ARID1B: variants seen among roughly 807,000 people sequenced by gnomAD.
ARID1B encodes AT-rich interaction domain 1B, also known as AT-rich interactive domain-containing protein 1B.
Under a neutral mutation model 212.3 loss-of-function variants are expected in ARID1B, and 30 were observed. That is an observed-to-expected ratio of 0.14 (90% confidence interval 0.11 to 0.19). The LOEUF (loss-of-function observed/expected upper bound fraction) is 0.19, where lower values mean the gene tolerates loss of function less well. Ranked by LOEUF, ARID1B falls within the 10% of genes least tolerant of loss-of-function variation. ARID1B has a pLI of 1.00. For missense variants in ARID1B, 2,891 were observed against 3,204.0 expected (o/e 0.90, Z 2.36); for synonymous variants, 1,402 against 1,301.7 (o/e 1.08, Z -1.66).
chr6:157,035,721 A>G (rs1781285988), intron 4 of ARID1B, among the ~76,000 whole-genome samples: 1 of 152,184 alleles, frequency 6.6e-6, no homozygotes, highest in Non-Finnish European at 1.5e-5. Context: ...CCCTAATGGT[A>G]GTATCTTTCT....
intron 4 of ARID1B, among the ~76,000 whole-genome samples, chr6:156,960,961 T>C (rs1278181228): frequency 6.6e-6 from 1 of 152,336 alleles, no homozygotes; most frequent in Admixed American, 6.5e-5. Flanking sequence ...TGCAAAGTGG[T>C]CCACCTTTCT....
intron 8 of ARID1B, among the ~76,000 whole-genome samples, chr6:157,162,098 C>A (rs17165193): frequency 0.16 from 24,771 of 152,100 alleles, 2,858 homozygotes; most frequent in African/African-American, 0.33. Flanking sequence ...TATCAGAAAC[C>A]CATTCATTTT....
intron 10 of ARID1B, 51 bp downstream of exon 10, chr6:157,174,168 G>T: frequency 1.3e-6 from 2 of 1,534,334 alleles, no homozygotes; most frequent in Non-Finnish European, 1.8e-6. Flanking sequence ...GCAAAAAGCT[G>T]CCATGTCGTT....
Position 157,133,107 on chromosome 6 carries a change from T to G in ARID1B, c.2661T>G (p.His887Gln). 1 of 1,614,178 alleles carries G rather than the reference T, an allele frequency of 6.2e-7. No individual in the cohort carries two copies. Among genetic ancestry groups the G allele is most frequent in the South Asian group, 1.1e-5 (1 of 91,080 alleles). ...PQQTGPSMSP[H>Q]PSPGGQMHAG... is the part of the protein sequence containing the mutation. ...AGACAGGACCATCCATGTCGCCTCA[T>G]CCTTCTCCTGGGGGCCAGATGCATG... The change falls in exon 7 of 20, where the codon CAT becomes CAG. Residue 887 changes from histidine to glutamine, a missense_variant. Coordinates refer to ENST00000636930, the MANE Select transcript of ARID1B (RefSeq NM_001374828.1).
At chr6:156,874,490 T>C (rs1335018843) in intron 2 of ARID1B, among the ~76,000 whole-genome samples, 1 of 152,220 alleles carries the variant, frequency 6.6e-6, no homozygotes, top group Non-Finnish European at 1.5e-5. Context: ...AAGAGTGAGT[T>C]CAACACCAAG....
chr6:156,822,010 CT>C lies in ARID1B; in HGVS notation c.1792-7205del, dbSNP rs112926597. Among the ~76,000 whole-genome samples, 152 of 146,360 alleles carry C rather than the reference CT, an allele frequency of 1.0e-3. 1 individual carries two copies. The highest frequency in any genetic ancestry group is 2.4e-3 in the African/African-American group (98 of 40,024). ...CAACCTTTTCTGCCTTGTCTAATAT[CT>C]TTTTTTTTTTTCAGTAGAGAAGGGG... is the stretch of plus-strand genomic sequence containing the variant. On this transcript the variant is annotated intron_variant, in intron 1 of 19. Coordinates refer to ENST00000636930, the MANE Select transcript of ARID1B (RefSeq NM_001374828.1).
chr6:157,189,875 C>T (rs2128339304), intron 14 of ARID1B, 95 bp downstream of exon 14: 1 of 1,583,862 alleles, frequency 6.3e-7, no homozygotes, highest in East Asian at 2.2e-5. Context: ...AATGGTATTC[C>T]CTAGAGAGTT....
intron 2 of ARID1B, among the ~76,000 whole-genome samples, chr6:156,892,217 A>C (rs1180102059): frequency 6.6e-6 from 1 of 152,054 alleles, no homozygotes; most frequent in Non-Finnish European, 1.5e-5. Context: ...ATAAATTCCT[A>C]AAGTAGAATT....
chr6:156,959,915 T>C (rs1184262032), intron 4 of ARID1B, among the ~76,000 whole-genome samples: 1 of 150,490 alleles, frequency 6.6e-6, no homozygotes, highest in East Asian at 2.0e-4. Context: ...TGTCTGAAGA[T>C]TGTCAGCTTC....
At chr6:157,067,100 T>C (rs1005445009) in intron 4 of ARID1B, among the ~76,000 whole-genome samples, 32 of 152,214 alleles carry the variant, frequency 2.1e-4, no homozygotes, top group African/African-American at 7.7e-4. Context: ...TTATTCTCAC[T>C]GTTTGCCAAG....
chr6:156,933,199 G>A (rs1413106313), intron 3 of ARID1B, among the ~76,000 whole-genome samples: 2 of 151,990 alleles, frequency 1.3e-5, no homozygotes, highest in African/African-American at 2.4e-5. Flanking sequence ...AATATGCATA[G>A]GACTTTTGAG....
chr6:157,036,080 G>A (rs1441889329), intron 4 of ARID1B, among the ~76,000 whole-genome samples: 1 of 152,138 alleles, frequency 6.6e-6, no homozygotes, highest in Non-Finnish European at 1.5e-5. Flanking sequence ...ATACTCAGAT[G>A]TGTTCTGTTG....
intron 4 of ARID1B, chr6:156,941,178 A>G (rs576385219): frequency 6.6e-6 from 1 of 152,266 alleles, no homozygotes; most frequent in South Asian, 2.1e-4. Flanking sequence ...GTTTATTATC[A>G]GTATTCTCAA....
chr6:156,859,554 C>T (rs1175002445), intron 2 of ARID1B, among the ~76,000 whole-genome samples: 3 of 152,098 alleles, frequency 2.0e-5, no homozygotes, highest in Non-Finnish European at 4.4e-5. Flanking sequence ...CTAGTGTTTA[C>T]AGGTGTGCTG....
chr6:157,013,932 T>G (rs1779760923), intron 4 of ARID1B, among the ~76,000 whole-genome samples: 1 of 152,226 alleles, frequency 6.6e-6, no homozygotes, highest in Admixed American at 6.5e-5. Context: ...CTTTGTACAT[T>G]GCTAATGCAC....
chr6:156,778,033 C>T lies in ARID1B; in HGVS notation c.353C>T (p.Ser118Phe), dbSNP rs747481125. The T allele has an allele frequency of 2.8e-5, 40 of 1,436,178 alleles. No individual in the cohort carries two copies. In the African/African-American group the frequency reaches 4.9e-4, roughly 18 times the overall value. The allele number at this position is 1,436,178 out of a possible 1,614,324, so 89.0% of individuals were successfully genotyped here. ...LKEGGSAAALSSSSSSSAAAA... is the reference protein window; with the variant it reads ...LKEGGSAAALFSSSSSSAAAA... ...GAGGGTGGAAGCGCCGCCGCGCTGT[C>T]CTCCTCCTCCTCCTCCTCCGCGGCG... Residue 118 changes from serine to phenylalanine, a missense_variant, in exon 1 of 20, where the codon TCC (serine) becomes TTC (phenylalanine). This residue lies in a region of ARID1B where 1,643 missense variants were observed against 1,544.0 expected (regional missense o/e 1.06). Coordinates refer to ENST00000636930, the MANE Select transcript of ARID1B (RefSeq NM_001374828.1).
At chr6:156,809,713 GAAAA>G (rs370188789) in intron 1 of ARID1B, among the ~76,000 whole-genome samples, 9 of 104,448 alleles carry the variant, frequency 8.6e-5, no homozygotes, top group East Asian at 8.1e-4. Flanking sequence ...CTTTTTCAAA[GAAAA>G]AAAAAAAAAA....
chr6:156,987,053 C>T (rs1222272332), intron 4 of ARID1B, among the ~76,000 whole-genome samples: 3 of 151,686 alleles, frequency 2.0e-5, no homozygotes, highest in Non-Finnish European at 2.9e-5. Flanking sequence ...GATGGTGTGC[C>T]TGTCGTCGCA....
At chr6:156,878,616 G>A (rs1786787504) in intron 2 of ARID1B, among the ~76,000 whole-genome samples, 1 of 152,200 alleles carries the variant, frequency 6.6e-6, no homozygotes. Flanking sequence ...TGTAACTCCA[G>A]TTACTCTAGT....
Sources: allele counts gnomAD v4.1 joint callset (sites outside exome capture counted in the v4.1 genomes callset), GRCh38; gene constraint gnomAD v4.1.1; regional missense constraint gnomAD v4.1.1; transcripts MANE v1.5; gene names NCBI Gene and HGNC (gene_info 2026-07-23, HGNC 2026-07-21).